GALNT13: variants seen among roughly 807,000 people sequenced by gnomAD.
The protein encoded by GALNT13 is polypeptide N-acetylgalactosaminyltransferase 13.
GALNT13 carries 28 observed loss-of-function variants against 64.2 expected under a neutral mutation model. The ratio of observed to expected loss-of-function variants is 0.44; its 90% confidence interval spans 0.32 to 0.60. The LOEUF is 0.60. Among genes scored for constraint, GALNT13 ranks in the 20% least tolerant of loss-of-function variants. The pLI is 0.05. For missense variants in GALNT13, 577 were observed against 669.8 expected (o/e 0.86, Z 1.53); for synonymous variants, 214 against 224.6 (o/e 0.95, Z 0.42).
the GALNT13 span, among the ~76,000 whole-genome samples, chr2:153,243,702 T>G: frequency 2.0e-5 from 3 of 152,172 alleles, no homozygotes; most frequent in Non-Finnish European, 4.4e-5. Context: ...AGGCAAGGCT[T>G]GTGAAGGGTT....
the GALNT13 span, among the ~76,000 whole-genome samples, chr2:153,865,512 A>T: frequency 8.0e-6 from 1 of 125,156 alleles, no homozygotes; most frequent in Non-Finnish European, 1.7e-5. Context: ...ACATGAACAG[A>T]CACTTCTCAA....
the GALNT13 span, among the ~76,000 whole-genome samples, chr2:153,431,907 T>C: frequency 3.2e-3 from 480 of 152,360 alleles, 1 homozygote; most frequent in African/African-American, 0.011. Flanking sequence ...ATATTCATAC[T>C]TCATTTATTT....
the GALNT13 span, among the ~76,000 whole-genome samples, chr2:153,650,165 A>G: frequency 6.6e-6 from 1 of 152,166 alleles, no homozygotes; most frequent in Non-Finnish European, 1.5e-5. Context: ...GGGTGAATAT[A>G]TATTTAGGAT....
the GALNT13 span, among the ~76,000 whole-genome samples, chr2:153,740,974 C>G: frequency 6.6e-6 from 1 of 152,114 alleles, no homozygotes; most frequent in South Asian, 2.1e-4. Flanking sequence ...AGTGTCTGCA[C>G]TTAAGCTAAA....
the GALNT13 span, among the ~76,000 whole-genome samples, chr2:153,212,802 G>A: frequency 7.9e-5 from 12 of 152,032 alleles, no homozygotes; most frequent in African/African-American, 2.7e-4. Context: ...AATAGAAAAT[G>A]GATTTTATTC....
chr2:154,292,265 A>G (rs965446160), intron 8 of GALNT13, among the ~76,000 whole-genome samples: 8 of 152,014 alleles, frequency 5.3e-5, no homozygotes, highest in Non-Finnish European at 8.8e-5. Context: ...CTGCTCTTTC[A>G]CCATGTTGCT....
the GALNT13 span, among the ~76,000 whole-genome samples, chr2:153,656,360 G>T: frequency 8.0e-5 from 12 of 149,154 alleles, no homozygotes; most frequent in Non-Finnish European, 1.5e-4. Context: ...ATATGTGTGT[G>T]TGCATGTGTA....
chr2:153,988,058 A>ATG (rs1491321523), intron 3 of GALNT13, among the ~76,000 whole-genome samples: 3 of 107,460 alleles, frequency 2.8e-5, no homozygotes, highest in Non-Finnish European at 6.6e-5. Context: ...AGGAGGTGAC[A>ATG]TATATATATA....
At chr2:153,080,300 T>A in the GALNT13 span, among the ~76,000 whole-genome samples, 3 of 152,200 alleles carry the variant, frequency 2.0e-5, no homozygotes, top group Non-Finnish European at 4.4e-5. Flanking sequence ...TCAGTTTTAT[T>A]GATAAATGTA....
At chr2:153,241,930 G>A in the GALNT13 span, among the ~76,000 whole-genome samples, 115 of 152,098 alleles carry the variant, frequency 7.6e-4, 3 homozygotes, top group East Asian at 0.021. Flanking sequence ...ACTTTGCTGT[G>A]GGTGCCTGAA....
At chr2:153,359,886 C>G in the GALNT13 span, among the ~76,000 whole-genome samples, 1 of 152,002 alleles carries the variant, frequency 6.6e-6, no homozygotes, top group Admixed American at 6.6e-5. Flanking sequence ...AATTGAAATA[C>G]GAGAAATGAA....
At chr2:153,120,794 G>A in the GALNT13 span, among the ~76,000 whole-genome samples, 1 of 152,194 alleles carries the variant, frequency 6.6e-6, no homozygotes, top group African/African-American at 2.4e-5. Flanking sequence ...AAAGTTGGGA[G>A]TAGAACCCCT....
chr2:154,236,611 A>G (rs1559041358), intron 4 of GALNT13, among the ~76,000 whole-genome samples: 1 of 152,096 alleles, frequency 6.6e-6, no homozygotes, highest in Non-Finnish European at 1.5e-5. Context: ...CTGGAATACC[A>G]GATTTCAGGC....
intron 4 of GALNT13, among the ~76,000 whole-genome samples, chr2:154,197,426 C>G (rs1161450185): frequency 6.6e-6 from 1 of 152,066 alleles, no homozygotes; most frequent in Non-Finnish European, 1.5e-5. Flanking sequence ...AAAGGATGGA[C>G]TTTTCAATCA....
the GALNT13 span, among the ~76,000 whole-genome samples, chr2:153,658,805 A>G: frequency 1.3e-5 from 2 of 152,008 alleles, no homozygotes; most frequent in Admixed American, 6.6e-5. Context: ...CTTTAAGACA[A>G]TCCAGAAATT....
intron 3 of GALNT13, among the ~76,000 whole-genome samples, chr2:154,023,937 T>TTCTC (rs1697738714): frequency 6.6e-6 from 1 of 152,216 alleles, no homozygotes; most frequent in South Asian, 2.1e-4. Flanking sequence ...AGTATTTTAT[T>TTCTC]TCTCCTTCAC....
intron 7 of GALNT13, among the ~76,000 whole-genome samples, chr2:154,258,593 A>G (rs1657679213): frequency 6.6e-6 from 1 of 152,104 alleles, no homozygotes; most frequent in African/African-American, 2.4e-5. Flanking sequence ...GGATCTTTTC[A>G]TAGTGAAACC....
the GALNT13 span, among the ~76,000 whole-genome samples, chr2:153,820,646 T>C: frequency 6.6e-6 from 1 of 152,172 alleles, no homozygotes; most frequent in African/African-American, 2.4e-5. Context: ...AATAGAATTC[T>C]TTCTAGACAA....
the GALNT13 span, among the ~76,000 whole-genome samples, chr2:153,620,023 T>C: frequency 6.6e-6 from 1 of 152,138 alleles, no homozygotes; most frequent in Non-Finnish European, 1.5e-5. Flanking sequence ...TTATTATCCC[T>C]TAGAATAAAC....
Sources: gnomAD v4.1 joint callset for allele counts (sites outside exome capture counted in the v4.1 genomes callset) on GRCh38, gnomAD v4.1.1 for gene constraint, MANE v1.5 for transcripts, NCBI Gene and HGNC (gene_info 2026-07-23, HGNC 2026-07-21) for gene names.